ARID4B: variants seen among roughly 807,000 people sequenced by gnomAD.
The protein encoded by ARID4B is AT-rich interactive domain-containing protein 4B.
ARID4B carries 26 observed loss-of-function variants against 147.5 expected under a neutral mutation model. The observed-to-expected ratio is 0.18, with a 90% CI of 0.13 to 0.24. The LOEUF (loss-of-function observed/expected upper bound fraction) is 0.24, where lower values mean the gene tolerates loss of function less well. ARID4B is among the 10% of genes least tolerant of loss of function. ARID4B has a pLI of 1.00. For missense variants in ARID4B, 1,179 were observed against 1,511.5 expected (o/e 0.78, Z 3.65); for synonymous variants, 512 against 507.9 (o/e 1.01, Z -0.11).
At chr1:235,323,486 T>C (rs1221132917) in intron 2 of ARID4B, among the ~76,000 whole-genome samples, 1 of 152,040 alleles carries the variant, frequency 6.6e-6, no homozygotes, top group African/African-American at 2.4e-5. Context: ...AGTTTGAGTT[T>C]AAAAAAAGTA....
At chr1:235,292,351 C>G (rs972049916) in intron 2 of ARID4B, among the ~76,000 whole-genome samples, 4 of 152,106 alleles carry the variant, frequency 2.6e-5, no homozygotes, top group African/African-American at 9.7e-5. Context: ...CAGTGGCTCA[C>G]GCCTGTAATC....
At chr1:235,264,341 G>A (rs902096891) in intron 2 of ARID4B, among the ~76,000 whole-genome samples, 2 of 152,178 alleles carry the variant, frequency 1.3e-5, no homozygotes, top group East Asian at 1.9e-4. Context: ...ACCAAAATAT[G>A]AATGAGACTT....
intron 2 of ARID4B, among the ~76,000 whole-genome samples, chr1:235,302,319 G>A (rs1673236650): frequency 7.8e-6 from 1 of 127,398 alleles, no homozygotes; most frequent in Non-Finnish European, 1.6e-5. Flanking sequence ...GGAAGTGGAA[G>A]AGAAGGAGGG....
chr1:235,305,309 G>A (rs1673465649), intron 2 of ARID4B, among the ~76,000 whole-genome samples: 1 of 152,112 alleles, frequency 6.6e-6, no homozygotes, highest in African/African-American at 2.4e-5. Context: ...AATGCCCAGT[G>A]AGACCCACGT....
At chr1:235,246,586 T>G in intron 6 of ARID4B, 75 bp from the exon 7 acceptor site, 2 of 1,007,088 alleles carry the variant, frequency 2.0e-6, no homozygotes, top group South Asian at 2.9e-5. Context: ...CCAAATCAAT[T>G]TAAGAATATG....
chr1:235,275,954 C>T (rs950844882), intron 2 of ARID4B, among the ~76,000 whole-genome samples: 2 of 151,990 alleles, frequency 1.3e-5, no homozygotes, highest in African/African-American at 2.4e-5. Flanking sequence ...CGGGACAACA[C>T]GGCAAAACCT....
intron 2 of ARID4B, among the ~76,000 whole-genome samples, chr1:235,325,755 GGTAGTTTACAGCA>G (rs1170337401): frequency 4.6e-5 from 7 of 152,228 alleles, no homozygotes; most frequent in South Asian, 2.1e-4. Flanking sequence ...AACTGTTTCA[GGTAGTTTACAGCA>G]TCCCAAACTC....
At position 235,168,245 on chromosome 1, in the gene ARID4B, C is replaced by T. The variant is rs1160930341; in HGVS notation, c.*280G>A. 5.8e-6 allele frequency: 2 copies of T among 343,898 alleles called. No individual in the cohort carries two copies. The highest frequency in any genetic ancestry group is 1.1e-5 in the Non-Finnish European group (2 of 184,694). 21.3% of individuals were successfully genotyped at this position (343,898 alleles called of 1,614,324 possible). Reference sequence around the variant, plus strand: ...AACTATGCTTACTGTATTGTCTCTACAGGCAGTGAAAAGCCTCCATTTGCC... The same window carrying T: ...AACTATGCTTACTGTATTGTCTCTATAGGCAGTGAAAAGCCTCCATTTGCC... On this transcript the variant is annotated 3_prime_UTR_variant, in exon 24 of 24. Transcript: ENST00000264183.
intron 2 of ARID4B, among the ~76,000 whole-genome samples, chr1:235,277,368 G>A (rs760918264): frequency 3.3e-5 from 5 of 151,324 alleles, no homozygotes; most frequent in Non-Finnish European, 5.9e-5. Context: ...AGTGAAACCC[G>A]GTCTCTACTA....
At chr1:235,316,835 A>G (rs1323680682) in intron 2 of ARID4B, among the ~76,000 whole-genome samples, 1 of 151,996 alleles carries the variant, frequency 6.6e-6, no homozygotes, top group East Asian at 1.9e-4. Context: ...CCAAACAAAA[A>G]AACAAGATAC....
At chr1:235,182,928 T>C (rs1233013872) in intron 19 of ARID4B, 135 bp from the exon 20 acceptor site, 3 of 721,884 alleles carry the variant, frequency 4.2e-6, no homozygotes, top group East Asian at 2.9e-5. Context: ...CTATGTAACA[T>C]GCAAAGAAAC....
rs6690647 is a variant in ARID4B, at chr1:235,319,814, A to T, written c.6+7100T>A. Among the ~76,000 whole-genome samples, 1,155 of 152,184 alleles carry T rather than the reference A, an allele frequency of 7.6e-3. 5 individuals carry two copies. The highest frequency in any genetic ancestry group is 0.014 in the Middle Eastern group (4 of 294). Reference sequence around the variant, plus strand: ...CAGAACCATCCTGGCCAACATGGTGAAACCCCATTGCTACTAAAAACACAA... The same window carrying T: ...CAGAACCATCCTGGCCAACATGGTGTAACCCCATTGCTACTAAAAACACAA... On this transcript the variant is annotated intron_variant, in intron 2 of 23. Coordinates refer to ENST00000264183, the MANE Select transcript of ARID4B (RefSeq NM_016374.6).
chr1:235,196,594 A>T (rs1665504143), intron 17 of ARID4B, among the ~76,000 whole-genome samples: 1 of 152,126 alleles, frequency 6.6e-6, no homozygotes, highest in Non-Finnish European at 1.5e-5. Context: ...GGCTCACACC[A>T]GTAATCCTAG....
chr1:235,188,992 C>A (rs1158495637), intron 19 of ARID4B, among the ~76,000 whole-genome samples: 1 of 152,042 alleles, frequency 6.6e-6, no homozygotes, highest in African/African-American at 2.4e-5. Flanking sequence ...TTATAAAATC[C>A]TTTGAAAGAT....
intron 23 of ARID4B, among the ~76,000 whole-genome samples, chr1:235,169,999 T>A (rs1017516820): frequency 7.9e-5 from 12 of 152,156 alleles, no homozygotes; most frequent in African/African-American, 2.9e-4. Flanking sequence ...TTAATATTTT[T>A]AAATACATGC....
chr1:235,194,215 G>C lies in ARID4B; in HGVS notation c.1927-4C>G. On this transcript the variant is annotated splice_region_variant and splice_polypyrimidine_tract_variant and intron_variant, in intron 18 of 23. Transcript: ENST00000264183. ...CTTTTTCTTTGTCTAATTTATTCTA[G>C]GTTAAGAAAAAAAGTATGTCGTAAT... 1 of 1,586,378 alleles carries C rather than the reference G, an allele frequency of 6.3e-7. No homozygotes were observed. Among genetic ancestry groups the C allele is most frequent in the Non-Finnish European group, 8.6e-7 (1 of 1,157,464 alleles).
chr1:235,224,238 A>G (rs1214385706), intron 12 of ARID4B, among the ~76,000 whole-genome samples: 1 of 152,218 alleles, frequency 6.6e-6, no homozygotes, highest in African/African-American at 2.4e-5. Flanking sequence ...CAAGAAGATA[A>G]GCTAGAGAAT....
intron 2 of ARID4B, among the ~76,000 whole-genome samples, chr1:235,317,800 G>C (rs1340999249): frequency 3.3e-5 from 5 of 152,178 alleles, no homozygotes; most frequent in Admixed American, 3.3e-4. Flanking sequence ...GACTAGAACA[G>C]AGACCAATAC....
intron 7 of ARID4B, among the ~76,000 whole-genome samples, chr1:235,241,147 G>A (rs910111461): frequency 3.3e-5 from 5 of 152,062 alleles, no homozygotes; most frequent in Non-Finnish European, 7.4e-5. Context: ...TAGTAAAAAG[G>A]AAAACAAAAC....
Sources: allele counts gnomAD v4.1 joint callset (sites outside exome capture counted in the v4.1 genomes callset), GRCh38; gene constraint gnomAD v4.1.1; transcripts MANE v1.5; gene names NCBI Gene and HGNC (gene_info 2026-07-23, HGNC 2026-07-21).